ANKRD30A: variants seen among roughly 807,000 people sequenced by gnomAD.
ANKRD30A encodes ankyrin repeat domain 30A, also known as ankyrin repeat domain-containing protein 30A.
A neutral mutation model predicts 166.3 loss-of-function variants in ANKRD30A; 170 were observed. That is an observed-to-expected ratio of 1.02 (90% CI 0.90 to 1.16). ANKRD30A has a LOEUF of 1.16. Among genes scored for constraint, ANKRD30A ranks in the 50% most tolerant of loss-of-function variants. ANKRD30A has a pLI of 0.00. For synonymous variants in ANKRD30A, 564 were observed against 508.9 expected (o/e 1.11, Z -1.46); for missense variants, 1,630 against 1,518.0 (o/e 1.07, Z -1.23).
At chr10:37,234,267 C>A (rs1027385583), downstream of ANKRD30A, among the ~76,000 whole-genome samples, 4 of 151,824 alleles carry the variant, frequency 2.6e-5, no homozygotes, top group Non-Finnish European at 4.4e-5. Flanking sequence ...ATGCTTTGTT[C>A]TATATATGAG....
chr10:37,221,177 G>C (rs527281353), intron 34 of ANKRD30A, among the ~76,000 whole-genome samples: 1 of 150,374 alleles, frequency 6.7e-6, no homozygotes, highest in South Asian at 2.1e-4. Flanking sequence ...ACATCTTCTT[G>C]TCTCCTTAAG....
chr10:37,202,795 A>G (rs1177390707), intron 31 of ANKRD30A, among the ~76,000 whole-genome samples: 1 of 152,178 alleles, frequency 6.6e-6, no homozygotes, highest in African/African-American at 2.4e-5. Context: ...ATAAAAAATG[A>G]TAAAGGGGAT....
intron 34 of ANKRD30A, among the ~76,000 whole-genome samples, chr10:37,230,431 G>T (rs1417510288): frequency 6.6e-6 from 1 of 151,954 alleles, no homozygotes; most frequent in African/African-American, 2.4e-5. Flanking sequence ...TTCCGCATTT[G>T]TTGGTTTTAT....
At chr10:37,204,843 A>C (rs985977681) in intron 31 of ANKRD30A, among the ~76,000 whole-genome samples, 7 of 152,246 alleles carry the variant, frequency 4.6e-5, no homozygotes, top group Non-Finnish European at 7.3e-5. Flanking sequence ...CAGACACATG[A>C]AAAAATCCTC....
At chr10:37,259,006 G>T in the ANKRD30A span, among the ~76,000 whole-genome samples, 1 of 145,798 alleles carries the variant, frequency 6.9e-6, no homozygotes, top group Non-Finnish European at 1.5e-5. Flanking sequence ...TAACATAAGA[G>T]AGTATCTTTA....
chr10:37,225,161 A>G (rs561510204), intron 34 of ANKRD30A, among the ~76,000 whole-genome samples: 1 of 151,288 alleles, frequency 6.6e-6, no homozygotes, highest in Non-Finnish European at 1.5e-5. Flanking sequence ...TAAAAACTAT[A>G]TATATGGTTA....
chr10:37,147,480 A>G, intron 9 of ANKRD30A, 23 bp downstream of exon 9: 6 of 1,482,270 alleles, frequency 4.0e-6, no homozygotes, highest in Non-Finnish European at 5.5e-6. Context: ...TTTTATTTGA[A>G]AAGTCTTTTA....
chr10:37,201,148 A>T lies in ANKRD30A; in HGVS notation c.2779-87A>T, dbSNP rs542232393. On this transcript the variant is annotated intron_variant, in intron 30 of 35. Coordinates refer to ENST00000361713, the MANE Select transcript of ANKRD30A (RefSeq NM_052997.3). ...TGCTTGCAAAATAGGACTTTTTTTT[A>T]AAAAAAGATTTTAATTAGGAAATTT... 473 of 1,121,488 alleles carry T rather than the reference A, an allele frequency of 4.2e-4. 8 individuals carry two copies. The South Asian group carries it at 5.9e-3, about 14-fold the overall frequency. The allele number at this position is 1,121,488 out of a possible 1,614,324, so 69.5% of individuals were successfully genotyped here.
chr10:37,229,199 C>T (rs547473622), intron 34 of ANKRD30A, among the ~76,000 whole-genome samples: 2 of 152,028 alleles, frequency 1.3e-5, no homozygotes, highest in African/African-American at 2.4e-5. Flanking sequence ...AGATTTGCAA[C>T]ATTAGTTTAG....
chr10:37,129,276 T>C (rs1390481513), intron 1 of ANKRD30A, among the ~76,000 whole-genome samples: 1 of 152,234 alleles, frequency 6.6e-6, no homozygotes, highest in Non-Finnish European at 1.5e-5. Context: ...CTGCCAAATA[T>C]AGTTGTAATA....
the ANKRD30A span, among the ~76,000 whole-genome samples, chr10:37,264,945 G>A: frequency 2.0e-5 from 3 of 152,236 alleles, no homozygotes; most frequent in African/African-American, 7.2e-5. Flanking sequence ...GTACTGATAT[G>A]TGCAGTTTAT....
At chr10:37,212,552 C>T (rs1030173829) in intron 31 of ANKRD30A, among the ~76,000 whole-genome samples, 19 of 152,146 alleles carry the variant, frequency 1.2e-4, no homozygotes, top group Admixed American at 1.2e-3. Flanking sequence ...AAAGAGCCCG[C>T]ATTGTCAAGT....
intron 1 of ANKRD30A, among the ~76,000 whole-genome samples, chr10:37,128,870 G>A (rs139619022): frequency 3.2e-4 from 48 of 152,098 alleles, no homozygotes; most frequent in African/African-American, 7.9e-4. Context: ...ACTACCAACC[G>A]TGATTTTGGA....
At chr10:37,242,947 A>G in the ANKRD30A span, among the ~76,000 whole-genome samples, 1 of 152,180 alleles carries the variant, frequency 6.6e-6, no homozygotes, top group African/African-American at 2.4e-5. Flanking sequence ...CATTTCTCTT[A>G]GCTGAAGCTG....
In ANKRD30A at chr10:37,141,592, AAG is replaced by A. The variant is rs1491296257; in HGVS notation, c.821-122_821-121del. On this transcript the variant is annotated intron_variant, in intron 6 of 35. Coordinates refer to ENST00000361713, the MANE Select transcript of ANKRD30A (RefSeq NM_052997.3). ...TGTCTCAAAAAAAAAAAAAAAAAAA[AAG>A]AGAAAAGAAAAGTTTGGTAGTATTT... The A allele has an allele frequency of 7.7e-6, 10 of 1,303,290 alleles. No homozygotes were observed. In the African/African-American group the frequency reaches 9.0e-5, roughly 12 times the overall value. The allele number at this position is 1,303,290 out of a possible 1,614,324, so 80.7% of individuals were successfully genotyped here.
chr10:37,136,470 G>A (rs1283106272), intron 5 of ANKRD30A, 137 bp from the exon 6 acceptor site: 4 of 452,026 alleles, frequency 8.8e-6, no homozygotes, highest in Admixed American at 4.6e-5. Flanking sequence ...CAAACTTAAA[G>A]TCTATGGAAT....
intron 15 of ANKRD30A, among the ~76,000 whole-genome samples, chr10:37,158,961 A>T (rs1159866957): frequency 6.6e-6 from 1 of 152,192 alleles, no homozygotes; most frequent in Non-Finnish European, 1.5e-5. Flanking sequence ...ACTTGCTGAC[A>T]TGACAGTTGT....
At chr10:37,161,310 A>G (rs1838846103) in intron 15 of ANKRD30A, among the ~76,000 whole-genome samples, 1 of 152,208 alleles carries the variant, frequency 6.6e-6, no homozygotes, top group Admixed American at 6.5e-5. Flanking sequence ...TTTTAGCCAG[A>G]GAAGAAGAAG....
chr10:37,159,527 TAAAA>T (rs888603821), intron 15 of ANKRD30A, among the ~76,000 whole-genome samples: 2 of 151,824 alleles, frequency 1.3e-5, no homozygotes, highest in African/African-American at 4.8e-5. Context: ...AGCAAAGAAA[TAAAA>T]AAACAAAAAC....
Sources: gnomAD v4.1 joint callset for allele counts (sites outside exome capture counted in the v4.1 genomes callset) on GRCh38, gnomAD v4.1.1 for gene constraint, MANE v1.5 for transcripts, NCBI Gene and HGNC (gene_info 2026-07-23, HGNC 2026-07-21) for gene names.